Variants in NDUFS1 observed in about 807,000 individuals in gnomAD.
NDUFS1 encodes the protein NADH:ubiquinone oxidoreductase core subunit S1, also known as NADH-ubiquinone oxidoreductase 75 kDa subunit, mitochondrial.
In NDUFS1, 61 loss-of-function variants were observed where a neutral mutation model predicts 84.4. That is an observed-to-expected ratio of 0.72 (90% CI 0.59 to 0.89). The LOEUF is 0.89. Among genes scored for constraint, NDUFS1 ranks in the 40% least tolerant of loss-of-function variants. NDUFS1 has a pLI of 0.00. For synonymous variants in NDUFS1, 275 were observed against 290.0 expected (o/e 0.95, Z 0.53); for missense variants, 891 against 890.0 (o/e 1.00, Z -0.01).
At chr2:206,136,754 CTTTT>C (rs917949074) in intron 13 of NDUFS1, among the ~76,000 whole-genome samples, 5 of 143,048 alleles carry the variant, frequency 3.5e-5, no homozygotes, top group East Asian at 2.1e-4. Context: ...TAGTTTCTTT[CTTTT>C]TTTCTTTTTT....
chr2:206,116,464 G>A lies in NDUFS1; in HGVS notation c.*7721C>T. The A allele has an allele frequency of 9.0e-7, 1 of 1,114,622 alleles. No homozygotes were observed. Among genetic ancestry groups the A allele is most frequent in the Admixed American group, 2.0e-5 (1 of 50,294 alleles). 69.0% of individuals were successfully genotyped at this position (1,114,622 alleles called of 1,614,324 possible). ...GCCAGGACCACGTGCAGGCTGCAGAGCACGGCCCGCACGCTCCGCACCACT... is the reference window on the plus strand; with the variant it reads ...GCCAGGACCACGTGCAGGCTGCAGAACACGGCCCGCACGCTCCGCACCACT... On this transcript the variant is annotated 3_prime_UTR_variant, in exon 19 of 19. Coordinates refer to ENST00000233190, the MANE Select transcript of NDUFS1 (RefSeq NM_005006.7).
intron 13 of NDUFS1, among the ~76,000 whole-genome samples, chr2:206,133,821 T>C (rs746403237): frequency 6.6e-6 from 1 of 152,012 alleles, no homozygotes; most frequent in Non-Finnish European, 1.5e-5. Context: ...CTACTAAAAA[T>C]ACAAAAAAAT....
chr2:206,137,111 C>T (rs1036137377), intron 13 of NDUFS1, among the ~76,000 whole-genome samples: 1 of 152,204 alleles, frequency 6.6e-6, no homozygotes, highest in South Asian at 2.1e-4. Context: ...ATAAAGAGAA[C>T]CTTGTATCTT....
At chr2:206,152,353 G>C in intron 3 of NDUFS1, 66 bp downstream of exon 3, 1 of 1,158,756 alleles carries the variant, frequency 8.6e-7, no homozygotes, top group Middle Eastern at 1.9e-4. Flanking sequence ...TCAGTATAAA[G>C]GAAATAAATT....
Sources: gnomAD v4.1 joint callset for allele counts (sites outside exome capture counted in the v4.1 genomes callset) on GRCh38, gnomAD v4.1.1 for gene constraint, MANE v1.5 for transcripts, NCBI Gene and HGNC (gene_info 2026-07-23, HGNC 2026-07-21) for gene names.